IGF2R: variants seen among roughly 807,000 people sequenced by gnomAD.
IGF2R encodes the protein cation-independent mannose-6-phosphate receptor.
Under a neutral mutation model 270.6 loss-of-function variants are expected in IGF2R, and 91 were observed. That is an observed-to-expected ratio of 0.34 (90% CI 0.28 to 0.40). The LOEUF is 0.40. Among genes scored for constraint, IGF2R ranks in the 10% least tolerant of loss-of-function variants. IGF2R has a pLI of 1.00. For synonymous variants in IGF2R, 1,316 were observed against 1,258.9 expected (o/e 1.05, Z -0.96); for missense variants, 2,805 against 3,188.3 (o/e 0.88, Z 2.90).
chr6:160,034,144 A>G (rs1030443692), intron 9 of IGF2R, among the ~76,000 whole-genome samples: 21 of 152,238 alleles, frequency 1.4e-4, no homozygotes, highest in African/African-American at 4.8e-4. Context: ...ACGAAATCTA[A>G]AAGTGAGAAC....
Position 160,043,188 on chromosome 6 carries a change from G to A in IGF2R, c.1521G>A (p.Thr507=), listed in dbSNP as rs1204426499. 1.4e-5 allele frequency: 22 copies of A among 1,614,006 alleles called. No homozygotes were observed. Among genetic ancestry groups the A allele is most frequent in the Non-Finnish European group, 1.7e-5 (20 of 1,179,986 alleles). ...QNWEAVDGSQ[T]ETEKKHFFIN... ...GGGAAGCTGTGGATGGCAGTCAGAC[G>A]GAAACAGAGAAGAAGCATTTTTTCA... Residue 507 remains threonine, a synonymous_variant, in exon 12 of 48, where the codon ACG becomes ACA. Transcript: ENST00000356956.
chr6:160,062,227 G>A (rs916733273), intron 25 of IGF2R, among the ~76,000 whole-genome samples: 17 of 138,458 alleles, frequency 1.2e-4, no homozygotes, highest in Non-Finnish European at 1.8e-4. Context: ...AGGCTGGAGT[G>A]CAGTGGTGCA....
At chr6:160,042,930 A>T (rs1336477558) in intron 11 of IGF2R, among the ~76,000 whole-genome samples, 1 of 151,650 alleles carries the variant, frequency 6.6e-6, no homozygotes, top group African/African-American at 2.4e-5. Flanking sequence ...AAGTATTGGG[A>T]TGTAGTTTGT....
At chr6:160,048,327 AATGTGT>A in intron 17 of IGF2R, 42 bp from the exon 18 acceptor site, 1 of 1,545,700 alleles carries the variant, frequency 6.5e-7, no homozygotes, top group Non-Finnish European at 8.9e-7. Flanking sequence ...ATGAGACTGA[AATGTGT>A]AAGCTCTTTA....
intron 2 of IGF2R, among the ~76,000 whole-genome samples, chr6:159,997,886 T>C (rs926631864): frequency 3.3e-5 from 5 of 152,222 alleles, no homozygotes; most frequent in Non-Finnish European, 5.9e-5. Context: ...AAGCAGTGTT[T>C]AGAGTACGAA....
chr6:160,091,011 G>A (rs1779211320), intron 44 of IGF2R, among the ~76,000 whole-genome samples: 2 of 147,248 alleles, frequency 1.4e-5, no homozygotes, highest in African/African-American at 2.6e-5. Context: ...AGGAGCGGGT[G>A]CTCTGTGCCC....
intron 13 of IGF2R, among the ~76,000 whole-genome samples, chr6:160,044,970 G>GA (rs375841025): frequency 1.3e-4 from 20 of 152,184 alleles, no homozygotes; most frequent in East Asian, 1.2e-3. Flanking sequence ...CTTCAAAGGG[G>GA]AAAAAAATCA....
intron 29 of IGF2R, among the ~76,000 whole-genome samples, chr6:160,065,886 T>C (rs1024086585): frequency 3.4e-5 from 5 of 146,794 alleles, no homozygotes; most frequent in African/African-American, 1.3e-4. Context: ...TCACCCAGGC[T>C]GAAGTGCAGT....
Position 160,084,231 on chromosome 6 carries a change from G to T in IGF2R, c.6068+47G>T. 1 of 1,162,610 alleles carries T rather than the reference G, an allele frequency of 8.6e-7. No individual in the cohort carries two copies. The highest frequency in any genetic ancestry group is 1.3e-6 in the Non-Finnish European group (1 of 773,614). 72.0% of individuals were successfully genotyped at this position (1,162,610 alleles called of 1,614,324 possible). A position where few individuals can be genotyped will look rare whatever the true frequency, so the allele number is the denominator to read the frequency against. On this transcript the variant is annotated intron_variant, in intron 40 of 47. Coordinates refer to ENST00000356956, the MANE Select transcript of IGF2R (RefSeq NM_000876.4). The surrounding 1 kb of genome is among the most constrained non-coding windows in gnomAD (Gnocchi z 4.6). Reference sequence around the variant, plus strand: ...CCGCGGCGCCACACCCTCAGCATGTGAACTTCAGACTGCTTGACGATGGTT... The same window carrying T: ...CCGCGGCGCCACACCCTCAGCATGTTAACTTCAGACTGCTTGACGATGGTT...
chr6:160,024,869 C>A (rs1193864156), intron 5 of IGF2R, among the ~76,000 whole-genome samples, 165 bp downstream of exon 5: 1 of 152,182 alleles, frequency 6.6e-6, no homozygotes, highest in African/African-American at 2.4e-5. Context: ...CAACCCACCT[C>A]TTCTCCCCCA....
chr6:160,019,161 G>A (rs1331844956), intron 4 of IGF2R, among the ~76,000 whole-genome samples: 1 of 152,108 alleles, frequency 6.6e-6, no homozygotes, highest in East Asian at 1.9e-4. Flanking sequence ...GTGAACATCT[G>A]TGTACTCACA....
chr6:160,021,351 C>T (rs1007088289), intron 4 of IGF2R, among the ~76,000 whole-genome samples: 10 of 148,490 alleles, frequency 6.7e-5, no homozygotes, highest in African/African-American at 2.5e-4. Flanking sequence ...GGATAAAAAA[C>T]CAAACATCGT....
At chr6:160,008,874 C>A in intron 2 of IGF2R, 136 bp from the exon 3 acceptor site, 1 of 848,448 alleles carries the variant, frequency 1.2e-6, no homozygotes, top group Non-Finnish European at 1.8e-6. Context: ...ATGGAAAATT[C>A]TGGGAAAGGA....
At chr6:160,065,814 G>GTATGTATATATATATATATA (rs1778567787) in intron 29 of IGF2R, among the ~76,000 whole-genome samples, 1 of 78,392 alleles carries the variant, frequency 1.3e-5, no homozygotes, top group Non-Finnish European at 2.3e-5. Context: ...GTGTGTGTGT[G>GTATGTATATATATATATATA]TATATATATA....
chr6:160,084,249 C>G lies in IGF2R; in HGVS notation c.6068+65C>G. On this transcript the variant is annotated intron_variant, in intron 40 of 47. Transcript: ENST00000356956. The surrounding 1 kb of genome is among the most constrained non-coding windows in gnomAD (Gnocchi z 4.6). Reference sequence around the variant, plus strand: ...AGCATGTGAACTTCAGACTGCTTGACGATGGTTGGCTCTTTTGGGTTCTCA... The same window carrying G: ...AGCATGTGAACTTCAGACTGCTTGAGGATGGTTGGCTCTTTTGGGTTCTCA... 1.0e-6 allele frequency: 1 copy of G among 959,814 alleles called. No individual in the cohort carries two copies. The highest frequency in any genetic ancestry group is 1.7e-6 in the Non-Finnish European group (1 of 600,958). 59.5% of individuals were successfully genotyped at this position (959,814 alleles called of 1,614,324 possible).
At position 160,029,556 on chromosome 6, in the gene IGF2R, C is replaced by T. The variant is rs1777645239; in HGVS notation, c.783C>T (p.Val261=). 6.2e-7 allele frequency: 1 copy of T among 1,611,308 alleles called. No individual in the cohort carries two copies. Among genetic ancestry groups the T allele is most frequent in the African/African-American group, 1.3e-5 (1 of 74,828 alleles). ...CTCAATGTGGCTCTCCCAGGCTTGTCCTGAGTTACGTGAGGGAAGAGGCAG... is the reference window on the plus strand; with the variant it reads ...CTCAATGTGGCTCTCCCAGGCTTGTTCTGAGTTACGTGAGGGAAGAGGCAG... ...GLKLVRKDRL[V]LSYVREEAGK... is the part of the protein sequence containing the mutation. Residue 261 remains valine (V), a synonymous_variant, in exon 7 of 48, where the codon GTC becomes GTT. Transcript: ENST00000356956.
intron 26 of IGF2R, among the ~76,000 whole-genome samples, chr6:160,063,039 G>GTTT (rs35789923): frequency 2.3e-5 from 3 of 131,300 alleles, no homozygotes; most frequent in Admixed American, 7.6e-5. Context: ...AATTGTAAAA[G>GTTT]TTTTTTTTTT....
intron 45 of IGF2R, among the ~76,000 whole-genome samples, chr6:160,097,704 A>G (rs189233992): frequency 1.8e-4 from 27 of 152,292 alleles, no homozygotes; most frequent in East Asian, 7.7e-4. Flanking sequence ...AATTCTTGCC[A>G]TGTAATTGTT....
intron 2 of IGF2R, among the ~76,000 whole-genome samples, chr6:159,992,635 C>CAA (rs1483203563): frequency 6.6e-5 from 10 of 152,010 alleles, no homozygotes; most frequent in African/African-American, 1.9e-4. Flanking sequence ...CACACAAACA[C>CAA]ACACCACATT....
Sources: allele counts gnomAD v4.1 joint callset (sites outside exome capture counted in the v4.1 genomes callset), GRCh38; gene constraint gnomAD v4.1.1; non-coding constraint Gnocchi (gnomAD v3.1); transcripts MANE v1.5; gene names NCBI Gene and HGNC (gene_info 2026-07-23, HGNC 2026-07-21).